SLC28A3: variants seen among roughly 807,000 people sequenced by gnomAD.
SLC28A3 encodes concentrative Na(+)-nucleoside cotransporter 3.
Under a neutral mutation model 84.2 loss-of-function variants are expected in SLC28A3, and 68 were observed. The observed-to-expected ratio is 0.81, with a 90% CI of 0.66 to 0.99. The LOEUF is 0.99. Among genes scored for constraint, SLC28A3 ranks in the 50% least tolerant of loss-of-function variants. The pLI is 0.00. For synonymous variants in SLC28A3, 267 were observed against 303.6 expected (o/e 0.88, Z 1.25); for missense variants, 712 against 841.5 (o/e 0.85, Z 1.90).
At chr9:84,334,928 A>G (rs958308702) in intron 1 of SLC28A3, among the ~76,000 whole-genome samples, 5 of 152,044 alleles carry the variant, frequency 3.3e-5, no homozygotes, top group African/African-American at 1.2e-4. Flanking sequence ...TGACTTCTCC[A>G]GATCGCCCCT....
At chr9:84,327,590 A>G (rs1443060863) in intron 1 of SLC28A3, among the ~76,000 whole-genome samples, 1 of 152,182 alleles carries the variant, frequency 6.6e-6, no homozygotes, top group African/African-American at 2.4e-5. Context: ...CAACTCTCAG[A>G]TAACTGCCAT....
rs1374707011 is a variant in SLC28A3 at position 84,277,212 on chromosome 9, C to T, written c.*1006G>A. 4 of 152,230 alleles carry T rather than the reference C, an allele frequency of 2.6e-5. No individual in the cohort carries two copies. The highest frequency in any genetic ancestry group is 2.0e-4 in the Admixed American group (3 of 15,290). The allele number at this position is 152,230 out of a possible 1,614,324, so 9.4% of individuals were successfully genotyped here. On this transcript the variant is annotated 3_prime_UTR_variant, in exon 18 of 18. Coordinates refer to ENST00000376238, the MANE Select transcript of SLC28A3 (RefSeq NM_001199633.2). Reference sequence around the variant, plus strand: ...TGAATAGGCCTACCGTTATGGCCTACAACAGGATGGCTCCTTGAAGGGAGA... The same window carrying T: ...TGAATAGGCCTACCGTTATGGCCTATAACAGGATGGCTCCTTGAAGGGAGA...
the SLC28A3 span, among the ~76,000 whole-genome samples, chr9:84,366,356 C>A: frequency 6.6e-6 from 1 of 152,062 alleles, no homozygotes. Flanking sequence ...GTCTGAAAGG[C>A]CAAATATCTC....
At chr9:84,348,345 C>T in the SLC28A3 span, among the ~76,000 whole-genome samples, 4 of 87,888 alleles carry the variant, frequency 4.6e-5, no homozygotes, top group South Asian at 4.8e-4. Context: ...CGGAGCAAGA[C>T]TCCGTCTCAA....
At chr9:84,293,164 G>A (rs1825303399) in intron 9 of SLC28A3, among the ~76,000 whole-genome samples, 1 of 152,136 alleles carries the variant, frequency 6.6e-6, no homozygotes, top group South Asian at 2.1e-4. Flanking sequence ...TATTAAAGAG[G>A]AAACCAAAGC....
the SLC28A3 span, among the ~76,000 whole-genome samples, chr9:84,361,237 C>T: frequency 1.3e-5 from 2 of 151,924 alleles, no homozygotes; most frequent in East Asian, 2.0e-4. Context: ...CCCAGTTACT[C>T]GGGAGGCTGA....
intron 9 of SLC28A3, 49 bp downstream of exon 9, chr9:84,294,146 G>C (rs1825330895): frequency 2.6e-6 from 4 of 1,567,866 alleles, no homozygotes; most frequent in Non-Finnish European, 3.5e-6. Context: ...CTTCGTGCCT[G>C]AGATAATCAG....
Position 84,277,954 on chromosome 9 carries a change from A to G in SLC28A3, c.*264T>C, listed in dbSNP as rs1366825351. ...TGCCTTGCAAACATTAAAGTCAGAA[A>G]ATCCCATTGAGACTGGAATCAACAA... On this transcript the variant is annotated 3_prime_UTR_variant, in exon 18 of 18. Coordinates refer to ENST00000376238, the MANE Select transcript of SLC28A3 (RefSeq NM_001199633.2). 9.4e-6 allele frequency: 4 copies of G among 426,170 alleles called. No individual in the cohort carries two copies. In the East Asian group the frequency reaches 1.6e-4, roughly 17 times the overall value. 26.4% of individuals were successfully genotyped at this position (426,170 alleles called of 1,614,324 possible).
At chr9:84,320,715 C>T (rs934615558) in intron 1 of SLC28A3, among the ~76,000 whole-genome samples, 9 of 152,060 alleles carry the variant, frequency 5.9e-5, no homozygotes, top group South Asian at 2.1e-4. Flanking sequence ...GTCGGCTGGG[C>T]GCAGTGGCTC....
At chr9:84,356,911 C>T in the SLC28A3 span, among the ~76,000 whole-genome samples, 1 of 152,072 alleles carries the variant, frequency 6.6e-6, no homozygotes, top group Admixed American at 6.6e-5. Context: ...TTCTATTTCC[C>T]AGAATTAGTG....
In SLC28A3 at chr9:84,297,896, C is replaced by T; in HGVS notation, c.783+10G>A. 1 of 1,588,992 alleles carries T rather than the reference C, an allele frequency of 6.3e-7. No individual in the cohort carries two copies. Among genetic ancestry groups the T allele is most frequent in the Non-Finnish European group, 8.5e-7 (1 of 1,173,710 alleles). On this transcript the variant is annotated intron_variant, in intron 7 of 17. Coordinates refer to ENST00000376238, the MANE Select transcript of SLC28A3 (RefSeq NM_001199633.2). ...CATAAAAGCAAAGTGTTCTTTTGAACCAAACTTACCTGAACTTGTCTGCCC... is the reference window on the plus strand; with the variant it reads ...CATAAAAGCAAAGTGTTCTTTTGAATCAAACTTACCTGAACTTGTCTGCCC...
intron 5 of SLC28A3, among the ~76,000 whole-genome samples, chr9:84,299,995 G>C (rs1825565385): frequency 6.6e-6 from 1 of 152,102 alleles, no homozygotes; most frequent in South Asian, 2.1e-4. Context: ...GTTTCACTAT[G>C]TTGGCCAGGC....
chr9:84,299,045 C>T (rs1259897274), intron 6 of SLC28A3, among the ~76,000 whole-genome samples: 1 of 152,122 alleles, frequency 6.6e-6, no homozygotes, highest in African/African-American at 2.4e-5. Context: ...GTAAAGTCTT[C>T]CAGAGTTTGC....
chr9:84,324,373 C>T (rs767200817), intron 1 of SLC28A3, among the ~76,000 whole-genome samples: 2 of 151,952 alleles, frequency 1.3e-5, no homozygotes, highest in African/African-American at 2.4e-5. Flanking sequence ...TGCTGGGTGC[C>T]GTGACTCATA....
chr9:84,284,069 CCTTTCCACAAAATT>C (rs1824878316), intron 14 of SLC28A3, among the ~76,000 whole-genome samples: 1 of 152,320 alleles, frequency 6.6e-6, no homozygotes, highest in East Asian at 1.9e-4. Context: ...CTCGTAATAA[CCTTTCCACAAAATT>C]GCTTCGTGCT....
At chr9:84,290,585 G>C (rs1825173796) in intron 10 of SLC28A3, among the ~76,000 whole-genome samples, 1 of 152,178 alleles carries the variant, frequency 6.6e-6, no homozygotes, top group Non-Finnish European at 1.5e-5. Context: ...CTCTAGATCA[G>C]TTTCCATATG....
the SLC28A3 span, among the ~76,000 whole-genome samples, chr9:84,353,000 T>G: frequency 6.6e-6 from 1 of 152,056 alleles, no homozygotes; most frequent in Non-Finnish European, 1.5e-5. Context: ...GATTAAGATT[T>G]TTTAGTATTT....
chr9:84,278,176 C>A lies in SLC28A3; in HGVS notation c.*42G>T. 6.4e-7 allele frequency: 1 copy of A among 1,564,330 alleles called. No individual in the cohort carries two copies. Among genetic ancestry groups the A allele is most frequent in the Non-Finnish European group, 8.7e-7 (1 of 1,154,178 alleles). On this transcript the variant is annotated 3_prime_UTR_variant, in exon 18 of 18. Coordinates refer to ENST00000376238, the MANE Select transcript of SLC28A3 (RefSeq NM_001199633.2). ...TTTTTTCTTTCCAAAGCAGAAAATTCAGCATCTGTACTTCAGAGTTCCACT... is the reference window on the plus strand; with the variant it reads ...TTTTTTCTTTCCAAAGCAGAAAATTAAGCATCTGTACTTCAGAGTTCCACT...
chr9:84,335,743 G>A (rs974004726), intron 1 of SLC28A3, among the ~76,000 whole-genome samples: 1 of 144,758 alleles, frequency 6.9e-6, no homozygotes, highest in African/African-American at 2.6e-5. Flanking sequence ...GTGTGTGTGT[G>A]TATAAAATGT....
Sources: gnomAD v4.1 joint callset for allele counts (sites outside exome capture counted in the v4.1 genomes callset) on GRCh38, gnomAD v4.1.1 for gene constraint, MANE v1.5 for transcripts, NCBI Gene and HGNC (gene_info 2026-07-23, HGNC 2026-07-21) for gene names.